The following DSE variants were observed in gnomAD, a reference collection of about 807,000 sequenced individuals.
DSE encodes the protein dermatan-sulfate epimerase.
A neutral mutation model predicts 84.4 loss-of-function variants in DSE; 36 were observed. That is an observed-to-expected ratio of 0.43 (90% confidence interval 0.33 to 0.56). The LOEUF (loss-of-function observed/expected upper bound fraction) is 0.56, where lower values mean the gene tolerates loss of function less well. DSE is among the 20% of genes least tolerant of loss of function. The probability of loss-of-function intolerance (pLI) is 0.06; values close to 1 mark genes in which losing one functional copy is unlikely to be tolerated. For synonymous variants in DSE, 410 were observed against 430.1 expected (o/e 0.95, Z 0.58); for missense variants, 862 against 1,169.6 (o/e 0.74, Z 3.84).
intron 2 of DSE, among the ~76,000 whole-genome samples, chr6:116,348,793 C>A (rs1383181294): frequency 1.3e-5 from 2 of 152,110 alleles, no homozygotes; most frequent in East Asian, 3.9e-4. Flanking sequence ...TACTATGCAG[C>A]CATAAAAAAG....
chr6:116,286,501 A>G (rs891249137), intron 2 of DSE, among the ~76,000 whole-genome samples: 1 of 152,196 alleles, frequency 6.6e-6, no homozygotes, highest in African/African-American at 2.4e-5. Flanking sequence ...ATCAGACTGA[A>G]TGCCATCTTT....
chr6:116,365,605 G>A (rs1423411893), upstream of DSE, among the ~76,000 whole-genome samples: 2 of 152,188 alleles, frequency 1.3e-5, no homozygotes, highest in African/African-American at 4.8e-5. Flanking sequence ...AGTTTGGGAA[G>A]CACCACTACG....
chr6:116,388,089 A>C (rs912737951), intron 1 of DSE, among the ~76,000 whole-genome samples: 2 of 152,206 alleles, frequency 1.3e-5, no homozygotes, highest in Non-Finnish European at 2.9e-5. Context: ...ATCTATCTAT[A>C]TCTAGAATTG....
In DSE at chr6:116,436,708, A is replaced by T; in HGVS notation, c.2240A>T (p.Gln747Leu). Reference protein sequence around the residue: ...DYAAIVEQNLQHFKPVFQLLE... With the variant: ...DYAAIVEQNLLHFKPVFQLLE... ...GCTGCTATTGTGGAACAGAACTTGC[A>T]GCATTTTAAACCAGTGTTTCAGCTG... Residue 747 changes from glutamine (Q) to leucine (L), a missense_variant, in exon 6 of 6, where the codon CAG becomes CTG. Physicochemically the swap from Gln to Leu is moderately radical, Grantham distance 113 (BLOSUM62 -2). Around this residue, in one of 4 missense-constraint regions of DSE, gnomAD observed 315 missense variants for 348.1 expected, o/e 0.90. Transcript: ENST00000644252. 6.2e-7 allele frequency: 1 copy of T among 1,614,176 alleles called. No individual in the cohort carries two copies. Among genetic ancestry groups the T allele is most frequent in the East Asian group, 2.2e-5 (1 of 44,884 alleles).
chr6:116,423,155 G>A (rs980333035), intron 2 of DSE: 1 of 152,144 alleles, frequency 6.6e-6, no homozygotes, highest in Non-Finnish European at 1.5e-5. Flanking sequence ...CTCAAACCAG[G>A]TAATACAGTT....
At chr6:116,399,088 A>C in intron 1 of DSE, 110 bp from the exon 2 acceptor site, 1 of 904,652 alleles carries the variant, frequency 1.1e-6, no homozygotes, top group Non-Finnish European at 1.6e-6. Flanking sequence ...TTAAAAATCT[A>C]AATTCATAAG....
chr6:116,338,412 C>T (rs974174484), intron 2 of DSE, among the ~76,000 whole-genome samples: 2 of 151,506 alleles, frequency 1.3e-5, no homozygotes, highest in Admixed American at 6.6e-5. Flanking sequence ...TTAGTAGAGA[C>T]GGGGTTTCAC....
At chr6:116,375,630 A>G (rs1299228869) in intron 1 of DSE, 1 of 873,448 alleles carries the variant, frequency 1.1e-6, no homozygotes, top group African/African-American at 1.8e-5. Flanking sequence ...GTCTTGCAGA[A>G]AAGAATCAAA....
rs965806725 is a variant in DSE at position 116,442,983 on chromosome 6, T to A, written c.*5638T>A. The A allele has an allele frequency of 6.6e-6, 1 of 152,078 alleles. No individual in the cohort carries two copies. The highest frequency in any genetic ancestry group is 3.2e-3 in the Middle Eastern group (1 of 316). The allele number at this position is 152,078 out of a possible 1,614,324, so 9.4% of individuals were successfully genotyped here. On this transcript the variant is annotated 3_prime_UTR_variant, in exon 6 of 6. Transcript: ENST00000644252. Reference sequence around the variant, plus strand: ...GGGGTGAGGTGGGGCAGGGAGGGGGTACCCTCTGCTTAGAAATCGCTGCAA... The same window carrying A: ...GGGGTGAGGTGGGGCAGGGAGGGGGAACCCTCTGCTTAGAAATCGCTGCAA...
At chr6:116,406,831 G>A (rs1781960273) in intron 2 of DSE, among the ~76,000 whole-genome samples, 1 of 152,176 alleles carries the variant, frequency 6.6e-6, no homozygotes, top group African/African-American at 2.4e-5. Context: ...CACAGGAGGA[G>A]ATACCATAGT....
chr6:116,296,317 T>C (rs1333069841), intron 2 of DSE, among the ~76,000 whole-genome samples: 1 of 152,232 alleles, frequency 6.6e-6, no homozygotes, highest in Non-Finnish European at 1.5e-5. Context: ...TTACGTATTT[T>C]CTTGAAATAT....
chr6:116,327,889 A>AT (rs1303215534), intron 2 of DSE, among the ~76,000 whole-genome samples: 2 of 152,166 alleles, frequency 1.3e-5, no homozygotes, highest in African/African-American at 2.4e-5. Flanking sequence ...CTGTTGTGGT[A>AT]TTTTCACTAC....
chr6:116,370,500 G>T (rs1779465628), upstream of DSE: 2 of 986,320 alleles, frequency 2.0e-6, no homozygotes, highest in Admixed American at 6.1e-5. Flanking sequence ...AGTCCCGGTA[G>T]TAAGAGTCTT....
intron 4 of DSE, 131 bp downstream of exon 4, chr6:116,431,324 A>T (rs1333611059): frequency 7.8e-7 from 1 of 1,283,090 alleles, no homozygotes; most frequent in African/African-American, 1.5e-5. Context: ...AGATTTTTTT[A>T]ATCAAAGAAA....
chr6:116,261,659 G>C (rs1349536726), intron 2 of DSE, among the ~76,000 whole-genome samples: 1 of 152,160 alleles, frequency 6.6e-6, no homozygotes, highest in Non-Finnish European at 1.5e-5. Flanking sequence ...GAAAGAGCAG[G>C]CATCCTTGTG....
chr6:116,317,208 G>T (rs1222137283), intron 2 of DSE, among the ~76,000 whole-genome samples: 1 of 152,226 alleles, frequency 6.6e-6, no homozygotes, highest in Non-Finnish European at 1.5e-5. Flanking sequence ...TCATGGGATT[G>T]GGCCTGCCTT....
intron 1 of DSE, chr6:116,254,350 C>A (rs1379845787): frequency 3.7e-6 from 2 of 539,810 alleles, no homozygotes; most frequent in Non-Finnish European, 7.1e-6. Flanking sequence ...TCTAAGGCAC[C>A]TAACCTATTG....
At chr6:116,378,427 A>G (rs1409985961) in intron 1 of DSE, among the ~76,000 whole-genome samples, 1 of 152,202 alleles carries the variant, frequency 6.6e-6, no homozygotes, top group Non-Finnish European at 1.5e-5. Flanking sequence ...TGTTTTACAT[A>G]GAAGATGCCT....
intron 2 of DSE, among the ~76,000 whole-genome samples, chr6:116,299,173 C>G (rs1774840420): frequency 6.6e-6 from 1 of 152,034 alleles, no homozygotes; most frequent in Non-Finnish European, 1.5e-5. Flanking sequence ...TGAAAGCAAG[C>G]AGTTTTCTGA....
Sources: allele counts gnomAD v4.1 joint callset (sites outside exome capture counted in the v4.1 genomes callset), GRCh38; gene constraint gnomAD v4.1.1; regional missense constraint gnomAD v4.1.1; transcripts MANE v1.5; gene names NCBI Gene and HGNC (gene_info 2026-07-23, HGNC 2026-07-21).